Variants in APAF1 observed in about 807,000 individuals in gnomAD.
APAF1 encodes apoptotic peptidase activating factor 1.
In APAF1, 91 loss-of-function variants were observed where a neutral mutation model predicts 152.4. That is an observed-to-expected ratio of 0.60 (90% CI 0.50 to 0.71). The LOEUF is 0.71. APAF1 is among the 30% of genes least tolerant of loss of function. The probability of loss-of-function intolerance (pLI) is 0.00; values close to 1 mark genes in which losing one functional copy is unlikely to be tolerated. For missense variants in APAF1, 1,283 were observed against 1,472.0 expected (o/e 0.87, Z 2.10); for synonymous variants, 484 against 494.1 (o/e 0.98, Z 0.27).
At chr12:98,671,127 C>A in intron 11 of APAF1, 41 bp downstream of exon 11, 1 of 1,248,782 alleles carries the variant, frequency 8.0e-7, no homozygotes, top group Non-Finnish European at 1.2e-6. Flanking sequence ...AAAAAGGAAT[C>A]TCATTTTTTT....
Position 98,666,105 on chromosome 12 carries a change from G to GT in APAF1, c.1195-78dup, listed in dbSNP as rs113017898. 268 of 1,307,214 alleles carry GT rather than the reference G, an allele frequency of 2.1e-4. 1 individual carries two copies. In the African/African-American group the frequency reaches 2.3e-3, roughly 11 times the overall value. 81.0% of individuals were successfully genotyped at this position (1,307,214 alleles called of 1,614,324 possible). A position where few individuals can be genotyped will look rare whatever the true frequency, so the allele number is the denominator to read the frequency against. ...TTCTTACTCAGGGCTTTAAGATACCGTTTTTTTGTGTGTGTGATAATACCT... is the reference window on the plus strand; with the variant it reads ...TTCTTACTCAGGGCTTTAAGATACCGTTTTTTTTGTGTGTGTGATAATACCT... On this transcript the variant is annotated intron_variant, in intron 8 of 26. Coordinates refer to ENST00000551964, the MANE Select transcript of APAF1 (RefSeq NM_181861.2).
chr12:98,723,199 A>G lies in APAF1; in HGVS notation c.3091A>G (p.Asn1031Asp), dbSNP rs1297826286. ...TTATTTCTTTGATATTCAGGTATGG[A>G]ATTGGCAATTGGACAAATGTATCTT... ...SSDDAEIQVW[N>D]WQLDKCIFLR... Residue 1031 changes from asparagine (N) to aspartate (D), a missense_variant, in exon 23 of 27, where the codon AAT (asparagine) becomes GAT (aspartate). Physicochemically the swap from Asn to Asp is conservative, Grantham distance 23. Coordinates refer to ENST00000551964, the MANE Select transcript of APAF1 (RefSeq NM_181861.2). 1 of 1,613,432 alleles carries G rather than the reference A, an allele frequency of 6.2e-7. No homozygotes were observed.
At position 98,723,611 on chromosome 12, in the gene APAF1, CTCCAAGTGTTT is replaced by C; in HGVS notation, c.3205-26_3205-16del. 1 of 1,517,042 alleles carries C rather than the reference CTCCAAGTGTTT, an allele frequency of 6.6e-7. No individual in the cohort carries two copies. 94.0% of individuals were successfully genotyped at this position (1,517,042 alleles called of 1,614,324 possible). ...ATAAAATGTTCTTAAAAGTGTCAAC[CTCCAAGTGTTT>C]TTTTTTTTTTTTTAAGGTATGGAAT... is the stretch of plus-strand genomic sequence containing the variant. On this transcript the variant is annotated splice_polypyrimidine_tract_variant and intron_variant, in intron 23 of 26. Coordinates refer to ENST00000551964, the MANE Select transcript of APAF1 (RefSeq NM_181861.2).
intron 17 of APAF1, among the ~76,000 whole-genome samples, chr12:98,702,933 A>C (rs1186182272): frequency 6.6e-6 from 1 of 152,090 alleles, no homozygotes; most frequent in Non-Finnish European, 1.5e-5. Context: ...ATAATGGAGC[A>C]ATTTGGTAGT....
rs555001637 is a variant in APAF1 at position 98,720,898 on chromosome 12, C to T, written c.3085-2295C>T. Reference sequence around the variant, plus strand: ...AGGAGAATGGCATGAATCTGGGAGGCGAAGCTTGCAGTGAGCTGAGATCCC... The same window carrying T: ...AGGAGAATGGCATGAATCTGGGAGGTGAAGCTTGCAGTGAGCTGAGATCCC... On this transcript the variant is annotated intron_variant, in intron 22 of 26. Transcript: ENST00000551964. 1.4e-4 allele frequency among the ~76,000 whole-genome samples: 21 copies of T among 151,600 alleles called. No homozygotes were observed. In the South Asian group the frequency reaches 2.7e-3, roughly 20 times the overall value.
chr12:98,663,133 A>C (rs1227602705), intron 7 of APAF1, among the ~76,000 whole-genome samples: 1 of 152,200 alleles, frequency 6.6e-6, no homozygotes, highest in Non-Finnish European at 1.5e-5. Flanking sequence ...GGGATTTTAT[A>C]AAAATAGTGT....
At position 98,706,492 on chromosome 12, in the gene APAF1, A is replaced by G. The variant is rs769663040; in HGVS notation, c.2603A>G (p.Asn868Ser). ...ALSQYCVELW[N>S]TDSRSKVADC... ...GCTGTGTTTATTCTGTAGTTGTGGA[A>G]TACAGACTCACGTTCAAAGGTGGCT... The change falls in exon 19 of 27, where the codon AAT becomes AGT. Residue 868 changes from asparagine to serine, a missense_variant. Transcript: ENST00000551964. The G allele has an allele frequency of 6.2e-7, 1 of 1,613,994 alleles. No homozygotes were observed. Among genetic ancestry groups the G allele is most frequent in the Non-Finnish European group, 8.5e-7 (1 of 1,179,888 alleles).
chr12:98,668,076 G>A (rs771910922), intron 10 of APAF1, among the ~76,000 whole-genome samples: 3 of 152,054 alleles, frequency 2.0e-5, no homozygotes, highest in Non-Finnish European at 2.9e-5. Flanking sequence ...GAGCCACCGC[G>A]GCTGGCTGAA....
rs918851431 is a variant in APAF1 at position 98,727,247 on chromosome 12, A to T, written c.3531A>T (p.Gly1177=). The T allele has an allele frequency of 1.9e-6, 3 of 1,614,044 alleles. No individual in the cohort carries two copies. The highest frequency in any genetic ancestry group is 2.5e-6 in the Non-Finnish European group (3 of 1,179,910). The change falls in exon 26 of 27, where the codon GGA becomes GGT. Residue 1177 remains glycine (G), a synonymous_variant. Coordinates refer to ENST00000551964, the MANE Select transcript of APAF1 (RefSeq NM_181861.2). Reference sequence around the variant, plus strand: ...CAGAAGAAGGAGCTGCTACCCATGGAGGCTGGGTGACTGACCTTTGCTTTT... The same window carrying T: ...CAGAAGAAGGAGCTGCTACCCATGGTGGCTGGGTGACTGACCTTTGCTTTT... ...PLSEEGAATH[G]GWVTDLCFSP...
At chr12:98,691,443 G>A (rs957223672) in intron 16 of APAF1, among the ~76,000 whole-genome samples, 1 of 152,004 alleles carries the variant, frequency 6.6e-6, no homozygotes, top group African/African-American at 2.4e-5. Context: ...TTGTCATTCT[G>A]TTTTTCTCTT....
chr12:98,715,683 C>A, intron 22 of APAF1, 131 bp downstream of exon 22: 1 of 1,036,008 alleles, frequency 9.7e-7, no homozygotes, highest in Non-Finnish European at 1.5e-6. Context: ...TGTACATGGG[C>A]TTAGATGAAA....
At position 98,675,791 on chromosome 12, in the gene APAF1, GTTTGT is replaced by G. The variant is rs1242372970; in HGVS notation, c.1794-1630_1794-1626del. On this transcript the variant is annotated intron_variant, in intron 12 of 26. Transcript: ENST00000551964. Reference sequence around the variant, plus strand: ...TCAATACTGAGGAACAACTGTACTTGTTTGTTTTATCACTTCTACTAAAGTGTAAT... The same window carrying G: ...TCAATACTGAGGAACAACTGTACTTGTTTATCACTTCTACTAAAGTGTAAT... Among the ~76,000 whole-genome samples the G allele has an allele frequency of 2.0e-5, 3 of 152,150 alleles. No homozygotes were observed. The East Asian group carries it at 5.8e-4, about 29-fold the overall frequency.
intron 4 of APAF1, among the ~76,000 whole-genome samples, chr12:98,656,261 G>A (rs1383806160): frequency 1.3e-5 from 2 of 152,064 alleles, no homozygotes; most frequent in East Asian, 3.9e-4. Flanking sequence ...TTAACAATTC[G>A]GAGTAAATTT....
chr12:98,719,367 T>G (rs533684737), intron 22 of APAF1, among the ~76,000 whole-genome samples: 1 of 151,904 alleles, frequency 6.6e-6, no homozygotes, highest in African/African-American at 2.4e-5. Flanking sequence ...CTTTTCTTTT[T>G]TTTGAGACAG....
At chr12:98,703,234 A>G (rs2097717575) in intron 17 of APAF1, 137 bp from the exon 18 acceptor site, 1 of 895,580 alleles carries the variant, frequency 1.1e-6, no homozygotes, top group Non-Finnish European at 1.8e-6. Flanking sequence ...TATTTTGTTT[A>G]TGACTGTCAA....
At chr12:98,684,482 T>TCCTCCTCCTC (rs1260090928) in intron 15 of APAF1, among the ~76,000 whole-genome samples, 1 of 148,188 alleles carries the variant, frequency 6.7e-6, no homozygotes, top group Non-Finnish European at 1.5e-5. Context: ...TTCTGTCTCC[T>TCCTCCTCCTC]CCTCCTCCTC....
chr12:98,727,713 G>T (rs1593120508), intron 26 of APAF1, among the ~76,000 whole-genome samples: 1 of 152,138 alleles, frequency 6.6e-6, no homozygotes, highest in Admixed American at 6.5e-5. Flanking sequence ...GGCCAAGGTG[G>T]GCGGATCACC....
chr12:98,658,124 T>C (rs2097660149), intron 4 of APAF1, among the ~76,000 whole-genome samples: 1 of 152,204 alleles, frequency 6.6e-6, no homozygotes, highest in African/African-American at 2.4e-5. Context: ...TGATTGATGC[T>C]ACTGGAATGA....
chr12:98,694,532 C>G (rs2097707685), intron 16 of APAF1, among the ~76,000 whole-genome samples: 1 of 151,858 alleles, frequency 6.6e-6, no homozygotes, highest in Admixed American at 6.6e-5. Flanking sequence ...TTCTTTCCTT[C>G]TATTGAGTTT....
Sources: gnomAD v4.1 joint callset for allele counts (sites outside exome capture counted in the v4.1 genomes callset) on GRCh38, gnomAD v4.1.1 for gene constraint, MANE v1.5 for transcripts, NCBI Gene and HGNC (gene_info 2026-07-23, HGNC 2026-07-21) for gene names.